The following ACER3 variants were observed in gnomAD, a reference collection of about 807,000 sequenced individuals.
ACER3 encodes alkaline ceramidase 3.
ACER3 carries 16 observed loss-of-function variants against 48.9 expected under a neutral mutation model. That is an observed-to-expected ratio of 0.33 (90% CI 0.22 to 0.50). ACER3 has a LOEUF of 0.50. ACER3 is among the 20% of genes least tolerant of loss of function. The probability of loss-of-function intolerance (pLI) is 0.98; values close to 1 mark genes in which losing one functional copy is unlikely to be tolerated. For synonymous variants in ACER3, 109 were observed against 107.8 expected, an observed-to-expected ratio of 1.01 and a Z score of -0.07; for missense variants, 227 against 326.0, an observed-to-expected ratio of 0.70 and a Z score of 2.34.
Position 77,004,634 on chromosome 11 carries a change from G to A in ACER3, c.497+5813G>A, listed in dbSNP as rs564839404. On this transcript the variant is annotated intron_variant, in intron 7 of 10. Coordinates refer to ENST00000532485, the MANE Select transcript of ACER3 (RefSeq NM_018367.7). Reference sequence around the variant, plus strand: ...CATTTAGAACTGCTGTATCTTCTTGGCAGATTGGCCTTTTTGTCATTATGT... The same window carrying A: ...CATTTAGAACTGCTGTATCTTCTTGACAGATTGGCCTTTTTGTCATTATGT... Among the ~76,000 whole-genome samples, 18 of 152,194 alleles carry A rather than the reference G, an allele frequency of 1.2e-4. No individual in the cohort carries two copies. In the South Asian group the frequency reaches 3.5e-3, roughly 30 times the overall value.
At chr11:76,878,245 G>A (rs186077530) in intron 1 of ACER3, among the ~76,000 whole-genome samples, 1 of 151,986 alleles carries the variant, frequency 6.6e-6, no homozygotes, top group East Asian at 1.9e-4. Context: ...TATTAGGTTG[G>A]TGCAAAAGTA....
At chr11:76,975,783 A>G (rs1591019350) in intron 3 of ACER3, among the ~76,000 whole-genome samples, 2 of 152,304 alleles carry the variant, frequency 1.3e-5, no homozygotes. Context: ...CAAAAACAGT[A>G]AACTACACAC....
rs1555024854 is a variant in ACER3, at chr11:77,023,035, A to G, written c.*2708A>G. The stretch of plus-strand genomic sequence containing the variant: ...TTTTTCTAAAGAACAGCTAGGTGAA[A>G]GGAGGTTAAGCTGATTGTCACTCTG... On this transcript the variant is annotated 3_prime_UTR_variant, in exon 11 of 11. Transcript: ENST00000532485. The G allele has an allele frequency of 2.5e-6, 1 of 398,310 alleles. No homozygotes were observed. The allele number at this position is 398,310 out of a possible 1,614,324, so 24.7% of individuals were successfully genotyped here.
chr11:76,933,486 T>TAAC (rs1379764086), intron 2 of ACER3, among the ~76,000 whole-genome samples: 3 of 150,726 alleles, frequency 2.0e-5, no homozygotes, highest in Admixed American at 2.0e-4. Flanking sequence ...TGATGACTCT[T>TAAC]AACGAGCATG....
rs567692376 is a variant in ACER3, at chr11:76,885,410, C to T, written c.103+24331C>T. On this transcript the variant is annotated intron_variant, in intron 1 of 10. Coordinates refer to ENST00000532485, the MANE Select transcript of ACER3 (RefSeq NM_018367.7). ...AACCCATCATCTAGGTTTTAAGCCCCGCATGCCTTAGGTATTTGTCCTAAT... is the reference window on the plus strand; with the variant it reads ...AACCCATCATCTAGGTTTTAAGCCCTGCATGCCTTAGGTATTTGTCCTAAT... Among the ~76,000 whole-genome samples the T allele has an allele frequency of 6.6e-5, 10 of 152,172 alleles. No homozygotes were observed. The East Asian group carries it at 7.7e-4, about 12-fold the overall frequency.
At chr11:76,882,912 C>T (rs1205641869) in intron 1 of ACER3, among the ~76,000 whole-genome samples, 1 of 152,176 alleles carries the variant, frequency 6.6e-6, no homozygotes, top group Non-Finnish European at 1.5e-5. Flanking sequence ...CAATCAGAGA[C>T]ATGGGCAGAC....
chr11:76,956,684 CTT>C (rs11368601), intron 2 of ACER3, among the ~76,000 whole-genome samples: 4 of 142,298 alleles, frequency 2.8e-5, no homozygotes, highest in African/African-American at 2.6e-5. Context: ...TCCCATCTCA[CTT>C]TTTTTTTTTT....
At chr11:77,010,886 A>G (rs1162268986) in intron 7 of ACER3, among the ~76,000 whole-genome samples, 3 of 152,236 alleles carry the variant, frequency 2.0e-5, no homozygotes, top group Non-Finnish European at 4.4e-5. Context: ...CCAAACTATC[A>G]GTAAAATACA....
Position 77,020,329 on chromosome 11 carries a change from G to T in ACER3, c.*2G>T. 1.2e-6 allele frequency: 2 copies of T among 1,613,304 alleles called. No homozygotes were observed. The highest frequency in any genetic ancestry group is 1.7e-6 in the Non-Finnish European group (2 of 1,179,852). ...TTTGAGCCTCTCAGGAAGCATTGATGAATCATTCCACCAAGAAAACAAACA... is the reference window on the plus strand; with the variant it reads ...TTTGAGCCTCTCAGGAAGCATTGATTAATCATTCCACCAAGAAAACAAACA... On this transcript the variant is annotated 3_prime_UTR_variant, in exon 11 of 11. Transcript: ENST00000532485.
Position 76,959,000 on chromosome 11 carries a change from G to A in ACER3, c.236G>A (p.Cys79Tyr), listed in dbSNP as rs1298405882. The A allele has an allele frequency of 6.2e-7, 1 of 1,613,826 alleles. No individual in the cohort carries two copies. Among genetic ancestry groups the A allele is most frequent in the Non-Finnish European group, 8.5e-7 (1 of 1,179,982 alleles). Residue 79 changes from cysteine (C) to tyrosine (Y), a missense_variant, in exon 3 of 11, where the codon TGC becomes TAC. Transcript: ENST00000532485. ...TCAGTGGTAGGAATGGGATCCTGGTGCTTCCACATGACTCTGAAATATGAA... is the reference window on the plus strand; with the variant it reads ...TCAGTGGTAGGAATGGGATCCTGGTACTTCCACATGACTCTGAAATATGAA... The part of the protein sequence containing the change: ...ALTVVGMGSW[C>Y]FHMTLKYEMQ...
At chr11:77,011,014 C>T (rs1949252444) in intron 7 of ACER3, among the ~76,000 whole-genome samples, 1 of 152,052 alleles carries the variant, frequency 6.6e-6, no homozygotes, top group African/African-American at 2.4e-5. Context: ...ACAAAAAGGA[C>T]GAGTGCGTGG....
At chr11:76,894,355 A>G (rs901009184) in intron 1 of ACER3, among the ~76,000 whole-genome samples, 4 of 152,232 alleles carry the variant, frequency 2.6e-5, no homozygotes, top group African/African-American at 7.2e-5. Context: ...CTTTCTTTCA[A>G]TAAGCCTCGT....
intron 1 of ACER3, among the ~76,000 whole-genome samples, chr11:76,874,798 T>G (rs1490745865): frequency 1.3e-5 from 2 of 152,196 alleles, no homozygotes; most frequent in Admixed American, 1.3e-4. Flanking sequence ...TTGGTGGACT[T>G]TCCATTTCTC....
intron 3 of ACER3, among the ~76,000 whole-genome samples, chr11:76,974,092 T>A (rs751341848): frequency 6.6e-6 from 1 of 152,374 alleles, no homozygotes; most frequent in African/African-American, 2.4e-5. Context: ...TCTATTCTTA[T>A]GCTATTACCA....
intron 1 of ACER3, among the ~76,000 whole-genome samples, chr11:76,919,952 A>G (rs953191792): frequency 2.6e-5 from 4 of 152,200 alleles, no homozygotes; most frequent in African/African-American, 9.7e-5. Flanking sequence ...TCTGAGTTCA[A>G]CATTCATTGC....
intron 1 of ACER3, among the ~76,000 whole-genome samples, chr11:76,901,276 A>C (rs926267028): frequency 2.0e-5 from 3 of 151,760 alleles, no homozygotes; most frequent in African/African-American, 7.3e-5. Context: ...CATTTAAAAA[A>C]AAAAAAAACT....
chr11:77,019,860 T>C, intron 10 of ACER3, 84 bp downstream of exon 10: 1 of 1,411,934 alleles, frequency 7.1e-7, no homozygotes, highest in Non-Finnish European at 1.0e-6. Flanking sequence ...GAAAGGGGAG[T>C]TTGGAGAGGT....
At chr11:76,877,827 G>T (rs1270747946) in intron 1 of ACER3, among the ~76,000 whole-genome samples, 1 of 151,874 alleles carries the variant, frequency 6.6e-6, no homozygotes, top group Non-Finnish European at 1.5e-5. Context: ...TCATTTCCTA[G>T]CTTTTACCAC....
intron 7 of ACER3, among the ~76,000 whole-genome samples, 189 bp from the exon 8 acceptor site, chr11:77,014,827 C>A (rs993995925): frequency 1.9e-4 from 29 of 152,106 alleles, no homozygotes; most frequent in Admixed American, 1.9e-3. Flanking sequence ...TGGGAGGATA[C>A]CCTTGAGCAC....
Sources: allele counts gnomAD v4.1 joint callset (sites outside exome capture counted in the v4.1 genomes callset), GRCh38; gene constraint gnomAD v4.1.1; transcripts MANE v1.5; gene names NCBI Gene and HGNC (gene_info 2026-07-23, HGNC 2026-07-21).